RALGPS1: variants seen among roughly 807,000 people sequenced by gnomAD.
The protein encoded by RALGPS1 is ras-specific guanine nucleotide-releasing factor RalGPS1.
A neutral mutation model predicts 78.8 loss-of-function variants in RALGPS1; 19 were observed. That is an observed-to-expected ratio of 0.24 (90% CI 0.17 to 0.35). The LOEUF is 0.35. RALGPS1 is among the 10% of genes least tolerant of loss of function. RALGPS1 has a pLI of 1.00. For missense variants in RALGPS1, 454 were observed against 688.3 expected (o/e 0.66, Z 3.81); for synonymous variants, 228 against 256.3 (o/e 0.89, Z 1.06).
intron 8 of RALGPS1, chr9:127,088,943 T>C: frequency 1.2e-6 from 2 of 1,614,104 alleles, no homozygotes; most frequent in East Asian, 2.2e-5. Flanking sequence ...GCTGGCTTAG[T>C]GGAAGGTGTT....
At chr9:127,206,687 A>G (rs2061950657) in intron 14 of RALGPS1, among the ~76,000 whole-genome samples, 1 of 152,104 alleles carries the variant, frequency 6.6e-6, no homozygotes, top group Admixed American at 6.5e-5. Flanking sequence ...CAAGATTACC[A>G]AGGCCTCAAC....
intron 5 of RALGPS1, among the ~76,000 whole-genome samples, chr9:127,045,077 TTTTA>T (rs1161098164): frequency 6.6e-6 from 1 of 152,110 alleles, no homozygotes; most frequent in Non-Finnish European, 1.5e-5. Context: ...AAGCCTGGGT[TTTTA>T]TTTATTTATT....
At chr9:127,102,574 AAT>A (rs1485033743) in intron 8 of RALGPS1, among the ~76,000 whole-genome samples, 1 of 152,142 alleles carries the variant, frequency 6.6e-6, no homozygotes, top group African/African-American at 2.4e-5. Context: ...TATGACTGTA[AAT>A]ACCCTGAGCA....
chr9:127,058,462 A>G (rs7023617), intron 7 of RALGPS1, among the ~76,000 whole-genome samples: 17,143 of 152,162 alleles, frequency 0.11, 1,386 homozygotes, highest in African/African-American at 0.23. Context: ...ATTCAGGAGC[A>G]AGGGGATGTT....
intron 1 of RALGPS1, among the ~76,000 whole-genome samples, chr9:126,948,112 C>CT (rs2131640224): frequency 6.6e-6 from 1 of 152,250 alleles, no homozygotes; most frequent in African/African-American, 2.4e-5. Context: ...TGTGTTAACC[C>CT]TGGGGACAGG....
At chr9:127,217,579 C>A in intron 18 of RALGPS1, 1 of 337,424 alleles carries the variant, frequency 3.0e-6, no homozygotes, top group Non-Finnish European at 4.2e-6. Context: ...AGCAATAAAA[C>A]ACCTTATTGC....
At chr9:127,103,557 A>T (rs1267561955) in intron 8 of RALGPS1, among the ~76,000 whole-genome samples, 1 of 152,016 alleles carries the variant, frequency 6.6e-6, no homozygotes, top group Non-Finnish European at 1.5e-5. Flanking sequence ...TAAAAATTAG[A>T]CTTCAGTTGG....
At chr9:127,017,781 A>G (rs947914978) in intron 4 of RALGPS1, among the ~76,000 whole-genome samples, 3 of 152,106 alleles carry the variant, frequency 2.0e-5, no homozygotes, top group Non-Finnish European at 4.4e-5. Flanking sequence ...TTTCATTAAG[A>G]ACTAAGACGC....
intron 8 of RALGPS1, 113 bp downstream of exon 8, chr9:127,069,469 A>T (rs2050003829): frequency 7.9e-7 from 1 of 1,264,610 alleles, no homozygotes; most frequent in South Asian, 1.4e-5. Context: ...CCCGTAGATA[A>T]AGAGGCAATT....
At chr9:126,958,606 G>C (rs1005657083) in intron 1 of RALGPS1, among the ~76,000 whole-genome samples, 3 of 152,158 alleles carry the variant, frequency 2.0e-5, no homozygotes, top group African/African-American at 7.2e-5. Flanking sequence ...TCACCTCTCT[G>C]TTTTGCTGGA....
At chr9:126,994,498 T>G (rs1171233551) in intron 4 of RALGPS1, among the ~76,000 whole-genome samples, 4 of 151,884 alleles carry the variant, frequency 2.6e-5, no homozygotes, top group African/African-American at 9.7e-5. Flanking sequence ...TAAAAAGAAA[T>G]GAACAAAGCC....
At chr9:127,178,580 G>A (rs373443070) in intron 11 of RALGPS1, 109 of 807,010 alleles carry the variant, frequency 1.4e-4, no homozygotes, top group East Asian at 3.8e-4. Context: ...TCACTGCCTC[G>A]GGGAAGCCTT....
chr9:127,002,172 A>G (rs149995935), intron 4 of RALGPS1, among the ~76,000 whole-genome samples: 3 of 152,240 alleles, frequency 2.0e-5, no homozygotes, highest in Non-Finnish European at 4.4e-5. Flanking sequence ...TTCTATCACC[A>G]TAGGTAGTTT....
At chr9:127,071,035 C>CTATATATA (rs1157387008) in intron 8 of RALGPS1, among the ~76,000 whole-genome samples, 1 of 121,804 alleles carries the variant, frequency 8.2e-6, no homozygotes, top group Non-Finnish European at 1.9e-5. Flanking sequence ...CTCTCTCTCT[C>CTATATATA]TCTCTATATA....
At chr9:127,155,946 G>A (rs1417960956) in intron 8 of RALGPS1, among the ~76,000 whole-genome samples, 2 of 151,766 alleles carry the variant, frequency 1.3e-5, no homozygotes, top group Non-Finnish European at 2.9e-5. Context: ...CATAGCTAAA[G>A]GTTAAAATAA....
At chr9:127,119,327 T>G (rs1186365890) in intron 8 of RALGPS1, among the ~76,000 whole-genome samples, 1 of 152,182 alleles carries the variant, frequency 6.6e-6, no homozygotes, top group African/African-American at 2.4e-5. Flanking sequence ...TCAGAGGGGT[T>G]GGTGCAGCAT....
intron 4 of RALGPS1, among the ~76,000 whole-genome samples, chr9:127,019,185 C>T (rs2045198852): frequency 6.6e-6 from 1 of 152,156 alleles, no homozygotes; most frequent in South Asian, 2.1e-4. Flanking sequence ...TGTACCATCT[C>T]AGGAGAGTTA....
rs1304917243 is a variant in RALGPS1 at position 126,948,216 on chromosome 9, T to C, written c.-65-14009T>C. On this transcript the variant is annotated intron_variant, in intron 1 of 18. Coordinates refer to ENST00000259351, the MANE Select transcript of RALGPS1 (RefSeq NM_014636.3). ...TAATTCTACTATGCATATGAATTAC[T>C]TTTCTTTTAAAAATTGAGGCTGGGC... Among the ~76,000 whole-genome samples, 3 of 152,164 alleles carry C rather than the reference T, an allele frequency of 2.0e-5. No individual in the cohort carries two copies. The East Asian group carries it at 5.8e-4, about 29-fold the overall frequency.
chr9:127,048,755 A>G lies in RALGPS1; in HGVS notation c.301-1288A>G, dbSNP rs189922069. On this transcript the variant is annotated intron_variant, in intron 5 of 18. Transcript: ENST00000259351. ...AAAATATAAGGTTTATGGGCATCCC[A>G]TTTGGTATTTAGAAAAACTTTTTTC... Among the ~76,000 whole-genome samples, 872 of 152,338 alleles carry G rather than the reference A, an allele frequency of 5.7e-3. 2 individuals are homozygous for G. The highest frequency in any genetic ancestry group is 8.5e-3 in the Non-Finnish European group (580 of 68,032).
Sources: gnomAD v4.1 joint callset for allele counts (sites outside exome capture counted in the v4.1 genomes callset) on GRCh38, gnomAD v4.1.1 for gene constraint, MANE v1.5 for transcripts, NCBI Gene and HGNC (gene_info 2026-07-23, HGNC 2026-07-21) for gene names.